Variants in RBMXL1 observed in about 807,000 individuals in gnomAD.
RBMXL1 encodes RBMX like 1.
A neutral mutation model predicts 29.0 loss-of-function variants in RBMXL1; 18 were observed. The observed-to-expected ratio is 0.62, with a 90% CI of 0.43 to 0.92. The LOEUF is 0.92. Ranked by LOEUF, RBMXL1 falls within the 40% of genes least tolerant of loss-of-function variation. RBMXL1 has a pLI of 0.00. For synonymous variants in RBMXL1, 141 were observed against 170.4 expected (o/e 0.83, Z 1.34); for missense variants, 403 against 495.8 (o/e 0.81, Z 1.78).
chr1:88,987,368 A>G (rs1677525015), intron 2 of RBMXL1, among the ~76,000 whole-genome samples: 1 of 152,218 alleles, frequency 6.6e-6, no homozygotes, highest in East Asian at 1.9e-4. Flanking sequence ...AATTCAAGAC[A>G]GTTATGAGGT....
In RBMXL1 at chr1:88,981,280, A is replaced by G. The variant is rs1677073889; in HGVS notation, c.*1374T>C. 6.6e-6 allele frequency: 1 copy of G among 152,224 alleles called. No individual in the cohort carries two copies. 9.4% of individuals were successfully genotyped at this position (152,224 alleles called of 1,614,324 possible). A position where few individuals can be genotyped will look rare whatever the true frequency, so the allele number is the denominator to read the frequency against. On this transcript the variant is annotated 3_prime_UTR_variant, in exon 3 of 3. Coordinates refer to ENST00000652648, the MANE Select transcript of RBMXL1 (RefSeq NM_001162536.3). ...ACAAAAAAATGTTTCACTTACTGAC[A>G]AGACACTTCACCAGATAGAGCTACC... is the stretch of plus-strand genomic sequence containing the variant.
rs746759156 is a variant in RBMXL1, at chr1:88,983,607, A to G, written c.220T>C (p.Leu74=). 6.8e-6 allele frequency: 11 copies of G among 1,613,986 alleles called. No homozygotes were observed. The African/African-American group carries it at 1.3e-4, about 20-fold the overall frequency. Residue 74 remains leucine (L), a synonymous_variant, in exon 3 of 3, where the codon TTA becomes CTA. Transcript: ENST00000652648. ...TCCACCTTGATGGCTTTTCCATCTA[A>G]TGACTTTCCATTCATGTCTCTGGCT... ...DAARDMNGKS[L]DGKAIKVEQA... is the part of the protein sequence containing the mutation.
chr1:88,985,907 G>A (rs185952056), intron 2 of RBMXL1, among the ~76,000 whole-genome samples: 1 of 152,286 alleles, frequency 6.6e-6, no homozygotes, highest in African/African-American at 2.4e-5. Flanking sequence ...TGGGCTGGAC[G>A]CAGTGACTCA....
chr1:88,992,340 CAA>C (rs1273861738), intron 1 of RBMXL1, among the ~76,000 whole-genome samples: 2 of 152,234 alleles, frequency 1.3e-5, no homozygotes, highest in African/African-American at 4.8e-5. Context: ...ACAGCGAAAT[CAA>C]GAGTAAAAGC....
In RBMXL1 at chr1:88,986,351, C is replaced by T. The variant is rs904471357; in HGVS notation, c.-241+1901G>A. On this transcript the variant is annotated intron_variant, in intron 2 of 2. Transcript: ENST00000652648. ...ATTAATAGACTATTTTAGGGCCAGG[C>T]GCGGTGGCTCACGCCTGTAATCCCA... 1.1e-4 allele frequency among the ~76,000 whole-genome samples: 17 copies of T among 151,080 alleles called. No individual in the cohort carries two copies. The South Asian group carries it at 1.5e-3, about 13-fold the overall frequency.
At position 88,980,469 on chromosome 1, in the gene RBMXL1, C is replaced by T. The variant is rs568755369; in HGVS notation, c.*2185G>A. 6.6e-5 allele frequency: 10 copies of T among 150,834 alleles called. No homozygotes were observed. Among genetic ancestry groups the T allele is most frequent in the African/African-American group, 2.2e-4 (9 of 40,932 alleles). 9.3% of individuals were successfully genotyped at this position (150,834 alleles called of 1,614,324 possible). A position where few individuals can be genotyped will look rare whatever the true frequency, so the allele number is the denominator to read the frequency against. Reference sequence around the variant, plus strand: ...GTTAAAGTTGTATTAAGTTTCAATACAAAACATTCCAAAAAGTGAAAAGTG... The same window carrying T: ...GTTAAAGTTGTATTAAGTTTCAATATAAAACATTCCAAAAAGTGAAAAGTG... On this transcript the variant is annotated 3_prime_UTR_variant, in exon 3 of 3. Coordinates refer to ENST00000652648, the MANE Select transcript of RBMXL1 (RefSeq NM_001162536.3).
chr1:88,988,211 G>T, intron 2 of RBMXL1, 41 bp downstream of exon 2: 2 of 1,350,490 alleles, frequency 1.5e-6, no homozygotes, highest in Non-Finnish European at 1.1e-6. Context: ...GGACAGTGCA[G>T]AATATGTACA....
chr1:88,988,020 G>A (rs978078701), intron 2 of RBMXL1, among the ~76,000 whole-genome samples: 1 of 152,156 alleles, frequency 6.6e-6, no homozygotes, highest in Non-Finnish European at 1.5e-5. Flanking sequence ...GTTTTGTGAA[G>A]ACAAAATGAG....
Position 88,983,017 on chromosome 1 carries a change from A to G in RBMXL1, c.810T>C (p.Arg270=), listed in dbSNP as rs768528099. 7 of 1,612,866 alleles carry G rather than the reference A, an allele frequency of 4.3e-6. No homozygotes were observed. The African/African-American group carries it at 9.3e-5, about 22-fold the overall frequency. Residue 270 remains arginine, a synonymous_variant, in exon 3 of 3, where the codon CGT becomes CGC. Transcript: ENST00000652648. ...YGDRDGYGRD[R]DYSDHPSGGS... is the part of the protein sequence containing the mutation. ...CTCCACTTGGATGATCTGAATAGTC[A>G]CGATCACGACCATATCCATCTCTAT...
At chr1:88,989,493 C>A (rs372867578) in intron 1 of RBMXL1, among the ~76,000 whole-genome samples, 19 of 152,232 alleles carry the variant, frequency 1.2e-4, no homozygotes, top group African/African-American at 4.6e-4. Flanking sequence ...TAGCGGGAAC[C>A]CTCTAACGAC....
At chr1:88,985,435 A>T (rs1350410469) in intron 2 of RBMXL1, among the ~76,000 whole-genome samples, 1 of 152,222 alleles carries the variant, frequency 6.6e-6, no homozygotes, top group Non-Finnish European at 1.5e-5. Context: ...AAGATTGGTA[A>T]GTTTGAATCT....
intron 2 of RBMXL1, among the ~76,000 whole-genome samples, chr1:88,987,007 C>A (rs767778534): frequency 2.6e-5 from 4 of 152,230 alleles, no homozygotes; most frequent in Non-Finnish European, 5.9e-5. Context: ...TACCACACAA[C>A]CCAACCATTC....
chr1:88,988,393 G>C (rs1484190533), intron 1 of RBMXL1, 42 bp from the exon 2 acceptor site: 1 of 1,167,586 alleles, frequency 8.6e-7, no homozygotes, highest in East Asian at 2.4e-5. Flanking sequence ...ATAAATATAT[G>C]ATGGGTACAT....
At chr1:88,988,377 A>G (rs1346286692) in intron 1 of RBMXL1, 26 bp from the exon 2 acceptor site, 1 of 1,419,498 alleles carries the variant, frequency 7.0e-7, no homozygotes, top group East Asian at 2.3e-5. Flanking sequence ...AAAATTGAGA[A>G]GAGGAATAAA....
At chr1:88,985,590 T>C (rs1322192973) in intron 2 of RBMXL1, among the ~76,000 whole-genome samples, 1 of 152,194 alleles carries the variant, frequency 6.6e-6, no homozygotes. Context: ...ACATCAAAAC[T>C]CCTAGTGTGT....
chr1:88,991,169 T>TG (rs1677773692), intron 1 of RBMXL1, among the ~76,000 whole-genome samples: 1 of 152,188 alleles, frequency 6.6e-6, no homozygotes, highest in African/African-American at 2.4e-5. Context: ...TTGGCAGATT[T>TG]GGGGGTGGCC....
chr1:88,991,565 G>C (rs1258832774), intron 1 of RBMXL1, among the ~76,000 whole-genome samples: 2 of 152,230 alleles, frequency 1.3e-5, no homozygotes, highest in Non-Finnish European at 2.9e-5. Context: ...GTCCTGGACG[G>C]GGGAGTACAG....
At position 88,979,927 on chromosome 1, in the gene RBMXL1, C is replaced by T. The variant is rs1042274999; in HGVS notation, c.*2727G>A. On this transcript the variant is annotated 3_prime_UTR_variant, in exon 3 of 3. Transcript: ENST00000652648. ...AACTGGAAACAATCCCAAGGTCCAT[C>T]AACAGGTGAGTAGAAAAACAAATAA... 1.8e-4 allele frequency: 27 copies of T among 152,166 alleles called. No individual in the cohort carries two copies. Among genetic ancestry groups the T allele is most frequent in the African/African-American group, 6.5e-4 (27 of 41,436 alleles). The allele number at this position is 152,166 out of a possible 1,614,324, so 9.4% of individuals were successfully genotyped here. A position where few individuals can be genotyped will look rare whatever the true frequency, so the allele number is the denominator to read the frequency against.
chr1:88,984,579 G>A (rs17130676), intron 2 of RBMXL1, among the ~76,000 whole-genome samples: 3,639 of 152,292 alleles, frequency 0.024, 134 homozygotes, highest in African/African-American at 0.082. Flanking sequence ...TGCCTGATAC[G>A]CTGTAGCTAT....
Sources: allele counts gnomAD v4.1 joint callset (sites outside exome capture counted in the v4.1 genomes callset), GRCh38; gene constraint gnomAD v4.1.1; transcripts MANE v1.5; gene names NCBI Gene and HGNC (gene_info 2026-07-23, HGNC 2026-07-21).